The following ERMARD variants were observed in gnomAD, a reference collection of about 807,000 sequenced individuals.
ERMARD encodes ER membrane associated RNA degradation, also known as endoplasmic reticulum membrane-associated RNA degradation protein.
Under a neutral mutation model 83.9 loss-of-function variants are expected in ERMARD, and 71 were observed. The ratio of observed to expected loss-of-function variants is 0.85; its 90% CI spans 0.70 to 1.03. The LOEUF (loss-of-function observed/expected upper bound fraction) is 1.03, where lower values mean the gene tolerates loss of function less well. Among genes scored for constraint, ERMARD ranks in the 50% least tolerant of loss-of-function variants. The pLI, the probability that ERMARD is intolerant of heterozygous loss-of-function variation, is 0.00. For missense variants in ERMARD, 838 were observed against 810.9 expected (o/e 1.03, Z -0.41); for synonymous variants, 284 against 298.6 (o/e 0.95, Z 0.50).
chr6:169,753,730 T>C, intron 1 of ERMARD, 134 bp from the exon 2 acceptor site: 1 of 554,990 alleles, frequency 1.8e-6, no homozygotes, highest in Non-Finnish European at 3.0e-6. Flanking sequence ...CATACAGCTC[T>C]CACGATATCC....
chr6:169,763,565 G>A (rs1791816070), intron 9 of ERMARD, among the ~76,000 whole-genome samples: 1 of 152,246 alleles, frequency 6.6e-6, no homozygotes, highest in Non-Finnish European at 1.5e-5. Context: ...GGGACGATCT[G>A]TTGTGGAGGG....
intron 12 of ERMARD, among the ~76,000 whole-genome samples, chr6:169,772,228 C>T (rs903523744): frequency 4.6e-5 from 7 of 152,216 alleles, no homozygotes; most frequent in African/African-American, 1.4e-4. Flanking sequence ...CTCGGAAGCC[C>T]TCGGATGGGT....
intron 12 of ERMARD, chr6:169,771,060 T>C (rs919279965): frequency 6.6e-6 from 1 of 150,710 alleles, no homozygotes; most frequent in African/African-American, 2.5e-5. Context: ...TTCTATTTTT[T>C]CTTTTTTCTT....
chr6:169,762,562 A>G, intron 9 of ERMARD, 31 bp downstream of exon 9: 1 of 1,563,532 alleles, frequency 6.4e-7, no homozygotes, highest in East Asian at 2.2e-5. Context: ...GATTGTGATC[A>G]TTGTTGCTGT....
intron 8 of ERMARD, among the ~76,000 whole-genome samples, chr6:169,761,731 G>A (rs575668871): frequency 6.6e-6 from 1 of 151,896 alleles, no homozygotes; most frequent in Non-Finnish European, 1.5e-5. Flanking sequence ...CACCCTGGCT[G>A]GAGTGCAGTG....
chr6:169,766,197 T>C (rs757797466), intron 9 of ERMARD, among the ~76,000 whole-genome samples: 6 of 152,240 alleles, frequency 3.9e-5, no homozygotes, highest in Non-Finnish European at 7.3e-5. Context: ...GGACAGCACA[T>C]GTCTGTAGGC....
chr6:169,777,252 C>G (rs528843973), intron 16 of ERMARD, among the ~76,000 whole-genome samples: 24 of 152,302 alleles, frequency 1.6e-4, no homozygotes, highest in African/African-American at 5.3e-4. Flanking sequence ...TGGGGGATGA[C>G]TTCCTGTCCC....
rs1229195934 is a variant in ERMARD at position 169,781,503 on chromosome 6, T to C, written c.2027T>C (p.Val676Ala). ...TTAGCCAAGAAATCCACAAGTAAAG[T>C]ACTCTTATGAAAACTTGTAAGTCAG... ...IHLAKKSTSK[V>A]LL Residue 676 changes from valine to alanine, a missense_variant, in exon 18 of 18, where the codon GTA becomes GCA. Transcript: ENST00000366773. 2.5e-6 allele frequency: 4 copies of C among 1,592,684 alleles called. No individual in the cohort carries two copies. Among genetic ancestry groups the C allele is most frequent in the Non-Finnish European group, 3.4e-6 (4 of 1,171,394 alleles).
intron 8 of ERMARD, 32 bp downstream of exon 8, chr6:169,760,788 C>A: frequency 6.7e-7 from 1 of 1,491,522 alleles, no homozygotes; most frequent in Non-Finnish European, 9.3e-7. Flanking sequence ...GAGTGGTTTG[C>A]AGTGGTTGGA....
In ERMARD at chr6:169,776,596, A is replaced by G. The variant is rs764969271; in HGVS notation, c.1662A>G (p.Ser554=). 2 of 1,614,242 alleles carry G rather than the reference A, an allele frequency of 1.2e-6. No homozygotes were observed. Among genetic ancestry groups the G allele is most frequent in the Non-Finnish European group, 1.7e-6 (2 of 1,180,046 alleles). The change falls in exon 16 of 18, where the codon TCA becomes TCG. Residue 554 remains serine (S), a synonymous_variant. Transcript: ENST00000366773. ...TGTCCAGCCAGGTCACCGTTGCCTC[A>G]GAGCTGAGACACAGGCAGTGGGTGG... ...RRVSSQVTVA[S]ELRHRQWVER...
At chr6:169,771,077 C>CT (rs60995171) in intron 12 of ERMARD, 39,559 of 141,142 alleles carry the variant, frequency 0.28, 5,481 homozygotes, top group African/African-American at 0.41. Flanking sequence ...TCTTTTCTTT[C>CT]TTTTTTTTTT....
Position 169,768,185 on chromosome 6 carries a change from A to G in ERMARD, c.1059+14A>G, listed in dbSNP as rs565020874. ...GAGCCTGCTATGGTAAGTATTAGGTATTTTCCAGGCTAATATTCTTGTATT... is the reference window on the plus strand; with the variant it reads ...GAGCCTGCTATGGTAAGTATTAGGTGTTTTCCAGGCTAATATTCTTGTATT... On this transcript the variant is annotated intron_variant, in intron 11 of 17. Coordinates refer to ENST00000366773, the MANE Select transcript of ERMARD (RefSeq NM_018341.3). 17 of 1,607,758 alleles carry G rather than the reference A, an allele frequency of 1.1e-5. No homozygotes were observed. Among genetic ancestry groups the G allele is most frequent in the Middle Eastern group, 1.7e-4 (1 of 6,042 alleles).
intron 12 of ERMARD, 122 bp downstream of exon 12, chr6:169,769,835 CCAT>C: frequency 1.1e-6 from 1 of 890,548 alleles, no homozygotes; most frequent in Non-Finnish European, 1.6e-6. Context: ...ACAGTATCCT[CCAT>C]CAGAAAAAAA....
chr6:169,773,685 T>C (rs533927007), intron 13 of ERMARD, among the ~76,000 whole-genome samples: 1 of 152,208 alleles, frequency 6.6e-6, no homozygotes, highest in Non-Finnish European at 1.5e-5. Flanking sequence ...CTGAGTCCCC[T>C]GGCAGGCTGT....
intron 17 of ERMARD, among the ~76,000 whole-genome samples, chr6:169,781,089 A>G (rs946221126): frequency 2.0e-5 from 3 of 152,212 alleles, no homozygotes; most frequent in African/African-American, 4.8e-5. Flanking sequence ...GAATGCTTGA[A>G]AAGGTGCTTG....
In ERMARD at chr6:169,781,403, G is replaced by A. The variant is rs1439738949; in HGVS notation, c.1927G>A (p.Glu643Lys). ...CAGTTACGAAAAGAACAAGTGGAAT[G>A]AAACTATCAATCTTACACATACAGC... ...YTSYEKNKWN[E>K]TINLTHTALL... Residue 643 changes from glutamate to lysine, a missense_variant, in exon 18 of 18, where the codon GAA becomes AAA. By Grantham distance (56) the Glu-to-Lys change is moderately conservative (BLOSUM62 1). Transcript: ENST00000366773. 2 of 1,613,414 alleles carry A rather than the reference G, an allele frequency of 1.2e-6. No individual in the cohort carries two copies. Among genetic ancestry groups the A allele is most frequent in the Non-Finnish European group, 1.7e-6 (2 of 1,179,862 alleles).
At chr6:169,753,404 T>C (rs1790400350) in intron 1 of ERMARD, 1 of 154,514 alleles carries the variant, frequency 6.5e-6, no homozygotes. Context: ...TCTTGTTCGT[T>C]ATACTTGGTT....
At position 169,760,768 on chromosome 6, in the gene ERMARD, G is replaced by T; in HGVS notation, c.857+12G>T. On this transcript the variant is annotated intron_variant, in intron 8 of 17. Transcript: ENST00000366773. The stretch of plus-strand genomic sequence containing the variant: ...TTCAAGTCACACAGGTAACTAAAGG[G>T]TACATGGCAGAGTGGTTTGCAGTGG... 1 of 1,578,738 alleles carries T rather than the reference G, an allele frequency of 6.3e-7. No homozygotes were observed. Among genetic ancestry groups the T allele is most frequent in the South Asian group, 1.1e-5 (1 of 89,676 alleles).
intron 8 of ERMARD, 98 bp downstream of exon 8, chr6:169,760,854 G>A: frequency 3.7e-6 from 3 of 821,882 alleles, no homozygotes; most frequent in Non-Finnish European, 5.8e-6. Context: ...TGGAGTAGAA[G>A]TGAAGAGAAC....
Sources: gnomAD v4.1 joint callset for allele counts (sites outside exome capture counted in the v4.1 genomes callset) on GRCh38, gnomAD v4.1.1 for gene constraint, MANE v1.5 for transcripts, NCBI Gene and HGNC (gene_info 2026-07-23, HGNC 2026-07-21) for gene names.